TBCD: variants seen among roughly 807,000 people sequenced by gnomAD.
TBCD encodes tubulin folding cofactor D, also known as tubulin-specific chaperone D.
A neutral mutation model predicts 169.3 loss-of-function variants in TBCD; 105 were observed. The ratio of observed to expected loss-of-function variants is 0.62; its 90% confidence interval spans 0.53 to 0.73. The LOEUF is 0.73. TBCD is among the 30% of genes least tolerant of loss of function. The pLI, the probability that TBCD is intolerant of heterozygous loss-of-function variation, is 0.00. For synonymous variants in TBCD, 700 were observed against 643.9 expected (o/e 1.09, Z -1.32); for missense variants, 1,444 against 1,600.1 (o/e 0.90, Z 1.66).
chr17:82,831,740 T>C lies in TBCD; in HGVS notation c.1318+16806T>C. 1 of 1,613,932 alleles carries C rather than the reference T, an allele frequency of 6.2e-7. No homozygotes were observed. The highest frequency in any genetic ancestry group is 8.5e-7 in the Non-Finnish European group (1 of 1,179,978). Reference sequence around the variant, plus strand: ...TAAAAGTGAGGCGGGTACTCTGGGATTGTGGGGTGCATGTAAGGGGAAATG... The same window carrying C: ...TAAAAGTGAGGCGGGTACTCTGGGACTGTGGGGTGCATGTAAGGGGAAATG... On this transcript the variant is annotated intron_variant, in intron 13 of 38. Transcript: ENST00000355528. This position sits in a 1 kb window ranked among gnomAD's most constrained non-coding sequence, Gnocchi z 4.6.
chr17:82,872,016 A>G (rs2057604554), intron 14 of TBCD, among the ~76,000 whole-genome samples: 1 of 151,804 alleles, frequency 6.6e-6, no homozygotes, highest in Non-Finnish European at 1.5e-5. Flanking sequence ...GTTCCTGCCC[A>G]CTGCTGTTCC....
intron 13 of TBCD, among the ~76,000 whole-genome samples, chr17:82,848,548 CAT>C (rs1047366342): frequency 4.6e-5 from 7 of 152,192 alleles, no homozygotes; most frequent in African/African-American, 1.2e-4. Context: ...CAGAGCAACT[CAT>C]GTGGCCGCCG....
chr17:82,823,852 C>G (rs1258878219), intron 13 of TBCD, among the ~76,000 whole-genome samples: 1 of 152,156 alleles, frequency 6.6e-6, no homozygotes, highest in African/African-American at 2.4e-5. Context: ...TAATTACACT[C>G]TCACTTTTGT....
At chr17:82,940,333 C>T (rs1681584872) in intron 37 of TBCD, among the ~76,000 whole-genome samples, 1 of 152,126 alleles carries the variant, frequency 6.6e-6, no homozygotes, top group Admixed American at 6.5e-5. Flanking sequence ...CATGGCATAC[C>T]CGGGGTGGTG....
chr17:82,800,333 GCCTCC>G (rs2050415496), intron 8 of TBCD, among the ~76,000 whole-genome samples: 1 of 152,134 alleles, frequency 6.6e-6, no homozygotes, highest in Non-Finnish European at 1.5e-5. Flanking sequence ...CCTTGGCTCA[GCCTCC>G]TGTCCTGCTA....
chr17:82,795,810 G>A (rs2144587725), intron 7 of TBCD: 1 of 159,756 alleles, frequency 6.3e-6, no homozygotes, highest in African/African-American at 2.4e-5. Context: ...GGGTGCGGCA[G>A]GGGCCCTTGA....
chr17:82,828,506 C>G (rs1413090810), intron 13 of TBCD, among the ~76,000 whole-genome samples: 3 of 134,670 alleles, frequency 2.2e-5, no homozygotes, highest in African/African-American at 8.3e-5. Context: ...TCGAATGCAC[C>G]CCCCCCGCAG....
chr17:82,934,744 T>A (rs2062476181), intron 34 of TBCD, among the ~76,000 whole-genome samples: 2 of 151,638 alleles, frequency 1.3e-5, no homozygotes, highest in African/African-American at 4.8e-5. Context: ...AGTGCTGGGA[T>A]TATAGGCGTG....
chr17:82,769,369 G>C (rs1260779456), intron 5 of TBCD, among the ~76,000 whole-genome samples: 2 of 152,156 alleles, frequency 1.3e-5, no homozygotes, highest in African/African-American at 4.8e-5. Context: ...CCATTCCTCT[G>C]CCAGATCCTG....
At chr17:82,801,018 C>T in intron 9 of TBCD, 22 bp downstream of exon 9, 1 of 1,593,038 alleles carries the variant, frequency 6.3e-7, no homozygotes, top group Non-Finnish European at 8.5e-7. Context: ...GAGGGCGGTG[C>T]CTGGGGAGGG....
rs1362360568 is a variant in TBCD at position 82,827,534 on chromosome 17, T to C, written c.1318+12600T>C. Among the ~76,000 whole-genome samples, 2 of 152,190 alleles carry C rather than the reference T, an allele frequency of 1.3e-5. 1 individual carries two copies. Among genetic ancestry groups the C allele is most frequent in the Non-Finnish European group, 2.9e-5 (2 of 68,010 alleles). ...AGTAGCCCCAGGGGTGCTTCGCACATGCCGGTACTTGACCACTGCTTTAAA... is the reference window on the plus strand; with the variant it reads ...AGTAGCCCCAGGGGTGCTTCGCACACGCCGGTACTTGACCACTGCTTTAAA... On this transcript the variant is annotated intron_variant, in intron 13 of 38. Transcript: ENST00000355528.
At chr17:82,771,047 C>CAAA (rs36015818) in intron 5 of TBCD, among the ~76,000 whole-genome samples, 32 of 38,358 alleles carry the variant, frequency 8.3e-4, no homozygotes, top group South Asian at 1.0e-3. Context: ...GACTCCGTCT[C>CAAA]AAAAAAAAAA....
At chr17:82,769,105 T>G (rs2048173610) in intron 5 of TBCD, among the ~76,000 whole-genome samples, 1 of 152,196 alleles carries the variant, frequency 6.6e-6, no homozygotes, top group Admixed American at 6.5e-5. Flanking sequence ...ACATTTATCC[T>G]CTTGTAGTTT....
At chr17:82,935,849 A>G (rs894706596) in intron 34 of TBCD, among the ~76,000 whole-genome samples, 2 of 152,160 alleles carry the variant, frequency 1.3e-5, no homozygotes, top group Non-Finnish European at 2.9e-5. Flanking sequence ...GACCCCCCCC[A>G]TCGGGGTTCA....
chr17:82,793,642 C>T (rs1163426954), intron 7 of TBCD, among the ~76,000 whole-genome samples: 1 of 152,210 alleles, frequency 6.6e-6, no homozygotes, highest in Non-Finnish European at 1.5e-5. Flanking sequence ...GGTGGGCTCG[C>T]TGCAGCACAG....
chr17:82,792,357 G>GCA (rs71168155), intron 7 of TBCD, among the ~76,000 whole-genome samples: 52,523 of 145,628 alleles, frequency 0.36, 9,460 homozygotes, highest in Admixed American at 0.47. Context: ...ATACATGTGT[G>GCA]CACACACACA....
intron 5 of TBCD, among the ~76,000 whole-genome samples, chr17:82,771,440 A>T (rs2048309670): frequency 6.7e-6 from 1 of 148,496 alleles, no homozygotes; most frequent in African/African-American, 2.5e-5. Flanking sequence ...TTTTTTTGAG[A>T]TGGAGTCTTG....
rs1178467487 is a variant in TBCD at position 82,800,856 on chromosome 17, G to T, written c.818-8G>T. ...CCTTCCTGCGCTGAGTCCAGTTCTT[G>T]TTTGCAGCTGCCACTGTCCTCAGGT... is the stretch of plus-strand genomic sequence containing the variant. On this transcript the variant is annotated splice_region_variant and splice_polypyrimidine_tract_variant and intron_variant, in intron 8 of 38. Coordinates refer to ENST00000355528, the MANE Select transcript of TBCD (RefSeq NM_005993.5). 6.2e-7 allele frequency: 1 copy of T among 1,611,616 alleles called. No homozygotes were observed. The highest frequency in any genetic ancestry group is 1.7e-5 in the Admixed American group (1 of 59,874).
chr17:82,828,562 TTGCACACGTGC>T (rs2053157586), intron 13 of TBCD, among the ~76,000 whole-genome samples: 1 of 58,320 alleles, frequency 1.7e-5, no homozygotes, highest in Non-Finnish European at 3.5e-5. Flanking sequence ...CCCCCCCCGA[TTGCACACGTGC>T]ACACCCACAC....
Sources: gnomAD v4.1 joint callset for allele counts (sites outside exome capture counted in the v4.1 genomes callset) on GRCh38, gnomAD v4.1.1 for gene constraint, Gnocchi (gnomAD v3.1) non-coding constraint, MANE v1.5 for transcripts, NCBI Gene and HGNC (gene_info 2026-07-23, HGNC 2026-07-21) for gene names.